The following KCNU1 variants were observed in gnomAD, a reference collection of about 807,000 sequenced individuals.
The protein encoded by KCNU1 is potassium calcium-activated channel subfamily U member 1, also known as potassium channel subfamily U member 1.
Under a neutral mutation model 126.8 loss-of-function variants are expected in KCNU1, and 93 were observed. The ratio of observed to expected loss-of-function variants is 0.73; its 90% CI spans 0.62 to 0.87. The LOEUF (loss-of-function observed/expected upper bound fraction) is 0.87, where lower values mean the gene tolerates loss of function less well. KCNU1 is among the 40% of genes least tolerant of loss of function. The pLI, the probability that KCNU1 is intolerant of heterozygous loss-of-function variation, is 0.00. For synonymous variants in KCNU1, 523 were observed against 494.2 expected, an observed-to-expected ratio of 1.06 and a Z score of -0.77; for missense variants, 1,330 against 1,367.1, an observed-to-expected ratio of 0.97 and a Z score of 0.43.
chr8:36,818,636 C>T (rs921113721), intron 10 of KCNU1, among the ~76,000 whole-genome samples: 15 of 152,158 alleles, frequency 9.9e-5, no homozygotes, highest in Non-Finnish European at 1.9e-4. Context: ...AATGATTCAT[C>T]GGTTACCCAA....
rs1437759198 is a variant in KCNU1, at chr8:36,922,509, C to A, written c.2616C>A (p.His872Gln). The A allele has an allele frequency of 6.2e-7, 1 of 1,611,170 alleles. No homozygotes were observed. Among genetic ancestry groups the A allele is most frequent in the Admixed American group, 1.7e-5 (1 of 59,250 alleles). Residue 872 changes from histidine to glutamine, a missense_variant, in exon 24 of 27, where the codon CAC becomes CAA. Transcript: ENST00000399881. ...LTELKNPSNIHFIEQLGGLEG... is the reference protein window; with the variant it reads ...LTELKNPSNIQFIEQLGGLEG... ...TTGCAGAAAATCCTTCCAACATTCA[C>A]TTTATTGAACAGCTTGGTGGACTGG...
Position 36,784,391 on chromosome 8 carries a change from C to T in KCNU1, c.-20C>T, listed in dbSNP as rs369738320. On this transcript the variant is annotated 5_prime_UTR_variant, in exon 1 of 27. Coordinates refer to ENST00000399881, the MANE Select transcript of KCNU1 (RefSeq NM_001031836.3). ...GCGTCATCAAATGACCTGGCAATTC[C>T]GTCTACTGATGTCTCGAACATGTTT... 6.0e-5 allele frequency: 96 copies of T among 1,591,144 alleles called. No individual in the cohort carries two copies. Among genetic ancestry groups the T allele is most frequent in the East Asian group, 1.1e-4 (5 of 44,724 alleles).
chr8:36,822,293 C>T (rs1309839336), intron 10 of KCNU1, among the ~76,000 whole-genome samples: 1 of 151,454 alleles, frequency 6.6e-6, no homozygotes, highest in Non-Finnish European at 1.5e-5. Flanking sequence ...GAGAATAAGG[C>T]CTATCCCACT....
chr8:36,905,337 G>A (rs1417151613), intron 19 of KCNU1, among the ~76,000 whole-genome samples: 1 of 151,910 alleles, frequency 6.6e-6, no homozygotes, highest in East Asian at 1.9e-4. Context: ...TCTCACAGCT[G>A]TTTAAATTCT....
At chr8:36,801,995 G>T (rs1369091270) in intron 2 of KCNU1, among the ~76,000 whole-genome samples, 5 of 150,950 alleles carry the variant, frequency 3.3e-5, no homozygotes, top group Non-Finnish European at 7.4e-5. Flanking sequence ...TGTAATCCCA[G>T]CTACTCCGGA....
chr8:36,881,075 T>C (rs919607053), intron 19 of KCNU1, among the ~76,000 whole-genome samples: 1 of 152,058 alleles, frequency 6.6e-6, no homozygotes, highest in African/African-American at 2.4e-5. Flanking sequence ...CAAGACTTCC[T>C]ACACACTGAA....
At chr8:36,822,050 A>G (rs1804148334) in intron 10 of KCNU1, among the ~76,000 whole-genome samples, 1 of 152,090 alleles carries the variant, frequency 6.6e-6, no homozygotes, top group African/African-American at 2.4e-5. Context: ...TCCTCCTACC[A>G]AAAGTGGAGT....
intron 24 of KCNU1, 51 bp downstream of exon 24, chr8:36,922,680 A>G: frequency 6.3e-7 from 1 of 1,583,304 alleles, no homozygotes; most frequent in South Asian, 1.2e-5. Flanking sequence ...TCTGCAGAGA[A>G]GTGAACAGGT....
Position 36,902,414 on chromosome 8 carries a change from G to C in KCNU1, c.2010-3294G>C, listed in dbSNP as rs552140084. ...ACCAAAGACTCTTCATTTATCATGAGGGTGGAGAGGGTGGAGAAGGAGGGG... is the reference window on the plus strand; with the variant it reads ...ACCAAAGACTCTTCATTTATCATGACGGTGGAGAGGGTGGAGAAGGAGGGG... On this transcript the variant is annotated intron_variant, in intron 19 of 26. Transcript: ENST00000399881. Among the ~76,000 whole-genome samples, 11 of 152,176 alleles carry C rather than the reference G, an allele frequency of 7.2e-5. No homozygotes were observed. In the East Asian group the frequency reaches 1.7e-3, roughly 24 times the overall value.
intron 20 of KCNU1, among the ~76,000 whole-genome samples, chr8:36,906,357 T>C (rs936481254): frequency 2.0e-5 from 3 of 152,256 alleles, no homozygotes; most frequent in Non-Finnish European, 4.4e-5. Context: ...ATTACAGTCA[T>C]GTCCTTGTCT....
At chr8:36,792,471 T>G (rs1444306820) in intron 2 of KCNU1, among the ~76,000 whole-genome samples, 1 of 152,190 alleles carries the variant, frequency 6.6e-6, no homozygotes, top group African/African-American at 2.4e-5. Context: ...AAGGGAAGGA[T>G]GTCAACAGGT....
chr8:36,916,215 G>T (rs1051137450), intron 22 of KCNU1, among the ~76,000 whole-genome samples: 1 of 145,482 alleles, frequency 6.9e-6, no homozygotes, highest in African/African-American at 2.6e-5. Flanking sequence ...GAGAGGGAAG[G>T]GAAGGAAAGG....
chr8:36,787,970 G>A (rs763671955), intron 2 of KCNU1, among the ~76,000 whole-genome samples: 3 of 151,356 alleles, frequency 2.0e-5, no homozygotes, highest in Non-Finnish European at 2.9e-5. Flanking sequence ...ATTTGTGAGC[G>A]TTTGGTTCTC....
chr8:36,869,348 CT>C lies in KCNU1; in HGVS notation c.2009+4828del, dbSNP rs1409231719. On this transcript the variant is annotated intron_variant, in intron 19 of 26. Coordinates refer to ENST00000399881, the MANE Select transcript of KCNU1 (RefSeq NM_001031836.3). ...TCCCTGGAAATTCTCCCTATTGGGT[CT>C]GCTTAAGTCAACTTATGGCCCATAT... Among the ~76,000 whole-genome samples, 4 of 152,236 alleles carry C rather than the reference CT, an allele frequency of 2.6e-5. No individual in the cohort carries two copies. In the East Asian group the frequency reaches 7.7e-4, roughly 29 times the overall value.
chr8:36,812,140 A>G (rs1441966626), intron 7 of KCNU1, among the ~76,000 whole-genome samples: 1 of 151,826 alleles, frequency 6.6e-6, no homozygotes, highest in African/African-American at 2.4e-5. Flanking sequence ...GCACTTTGGG[A>G]GGCCAAGGAG....
intron 19 of KCNU1, among the ~76,000 whole-genome samples, chr8:36,868,985 G>A (rs979677336): frequency 1.3e-5 from 2 of 152,004 alleles, no homozygotes; most frequent in African/African-American, 4.8e-5. Flanking sequence ...GGTGAGTTAC[G>A]ACAGTTTTGC....
chr8:36,832,110 A>T (rs1174388641), intron 10 of KCNU1, among the ~76,000 whole-genome samples: 2 of 152,152 alleles, frequency 1.3e-5, no homozygotes. Flanking sequence ...GTTCTGTTCC[A>T]TTGATCTATA....
At chr8:36,851,717 C>T (rs1413575801) in intron 18 of KCNU1, among the ~76,000 whole-genome samples, 1 of 151,960 alleles carries the variant, frequency 6.6e-6, no homozygotes, top group Admixed American at 6.6e-5. Context: ...ATTTTTATTG[C>T]TATTGTAAAT....
intron 18 of KCNU1, among the ~76,000 whole-genome samples, chr8:36,856,287 C>T (rs1254445763): frequency 6.6e-6 from 1 of 152,066 alleles, no homozygotes; most frequent in East Asian, 1.9e-4. Flanking sequence ...GTTTCTTTTG[C>T]CTGCTTTCCC....
Sources: gnomAD v4.1 joint callset for allele counts (sites outside exome capture counted in the v4.1 genomes callset) on GRCh38, gnomAD v4.1.1 for gene constraint, MANE v1.5 for transcripts, NCBI Gene and HGNC (gene_info 2026-07-23, HGNC 2026-07-21) for gene names.